The following CWC27 variants were observed in gnomAD, a reference collection of about 807,000 sequenced individuals.
The protein encoded by CWC27 is spliceosome-associated protein CWC27 homolog.
A neutral mutation model predicts 63.6 loss-of-function variants in CWC27; 47 were observed. The ratio of observed to expected loss-of-function variants is 0.74; its 90% CI spans 0.58 to 0.94. The LOEUF (loss-of-function observed/expected upper bound fraction) is 0.94. Among genes scored for constraint, CWC27 ranks in the 40% least tolerant of loss-of-function variants. The probability of loss-of-function intolerance (pLI) is 0.00; values close to 1 mark genes in which losing one functional copy is unlikely to be tolerated. For missense variants in CWC27, 495 were observed against 554.3 expected, an observed-to-expected ratio of 0.89 and a Z score of 1.07; for synonymous variants, 175 against 179.8, an observed-to-expected ratio of 0.97 and a Z score of 0.22.
At chr5:64,933,073 C>T (rs1160542947) in intron 11 of CWC27, among the ~76,000 whole-genome samples, 2 of 152,102 alleles carry the variant, frequency 1.3e-5, no homozygotes, top group African/African-American at 4.8e-5. Context: ...TCCTCTATTA[C>T]TGCCTGTATT....
intron 7 of CWC27, among the ~76,000 whole-genome samples, chr5:64,791,096 G>A (rs912556603): frequency 3.3e-5 from 5 of 152,166 alleles, no homozygotes; most frequent in Admixed American, 1.3e-4. Flanking sequence ...CAGTTGGCCC[G>A]TTGTCCTTCC....
chr5:64,862,949 G>A (rs982508259), intron 10 of CWC27, among the ~76,000 whole-genome samples: 1 of 152,076 alleles, frequency 6.6e-6, no homozygotes, highest in Non-Finnish European at 1.5e-5. Context: ...TTTTATAAGA[G>A]CATTAAACCC....
chr5:64,957,571 A>T (rs1748827215), intron 11 of CWC27, among the ~76,000 whole-genome samples: 2 of 152,328 alleles, frequency 1.3e-5, no homozygotes, highest in Non-Finnish European at 1.5e-5. Flanking sequence ...AGAAAAGCAC[A>T]TATGCCCCTC....
At chr5:64,949,130 T>A (rs1308785337) in intron 11 of CWC27, among the ~76,000 whole-genome samples, 1 of 151,936 alleles carries the variant, frequency 6.6e-6, no homozygotes, top group Non-Finnish European at 1.5e-5. Context: ...TATGATTTTT[T>A]TTTTAGGAAC....
At chr5:64,916,088 A>G (rs929958754) in intron 11 of CWC27, among the ~76,000 whole-genome samples, 1 of 152,200 alleles carries the variant, frequency 6.6e-6, no homozygotes, top group Non-Finnish European at 1.5e-5. Context: ...TTCCTTTTAT[A>G]CAACATCCAA....
chr5:64,858,869 C>T (rs944366752), intron 10 of CWC27, among the ~76,000 whole-genome samples: 1 of 152,134 alleles, frequency 6.6e-6, no homozygotes, highest in Non-Finnish European at 1.5e-5. Context: ...CTTTATGACC[C>T]ATCATGCCCA....
At position 64,772,624 on chromosome 5, in the gene CWC27, CAAAAAAAAAAAAAAAAA is replaced by C. The variant is rs58675990; in HGVS notation, c.43-2052_43-2036del. ...TCTGGGAGACAGTGAGACTCTGTCTCAAAAAAAAAAAAAAAAAAAAAAAAAAAAAAAGTCCAGGCGCA... is the reference window on the plus strand; with the variant it reads ...TCTGGGAGACAGTGAGACTCTGTCTCAAAAAAAAAAAAAAGTCCAGGCGCA... On this transcript the variant is annotated intron_variant, in intron 1 of 13. Coordinates refer to ENST00000381070, the MANE Select transcript of CWC27 (RefSeq NM_005869.4). Among the ~76,000 whole-genome samples the C allele has an allele frequency of 5.9e-4, 31 of 52,176 alleles. 1 individual carries two copies. Among genetic ancestry groups the C allele is most frequent in the African/African-American group, 1.5e-3 (22 of 14,306 alleles). The allele number at this position is 52,176 out of a possible 152,430, so 34.2% of individuals were successfully genotyped here.
intron 11 of CWC27, among the ~76,000 whole-genome samples, chr5:64,914,475 T>A (rs1747849215): frequency 6.6e-6 from 1 of 152,072 alleles, no homozygotes; most frequent in Non-Finnish European, 1.5e-5. Flanking sequence ...GGCAAGAGAC[T>A]TCACGAGGCG....
intron 10 of CWC27, among the ~76,000 whole-genome samples, chr5:64,876,116 A>G (rs1746787324): frequency 6.6e-6 from 1 of 152,150 alleles, no homozygotes; most frequent in African/African-American, 2.4e-5. Flanking sequence ...AGATATTTGC[A>G]TGATATAAGT....
chr5:64,922,015 C>T (rs1353939664), intron 11 of CWC27, among the ~76,000 whole-genome samples: 1 of 152,180 alleles, frequency 6.6e-6, no homozygotes, highest in Non-Finnish European at 1.5e-5. Flanking sequence ...AAGGTTTCTG[C>T]TGAAAGGTGT....
chr5:64,794,779 A>G (rs1023218873), intron 7 of CWC27, among the ~76,000 whole-genome samples: 5 of 152,120 alleles, frequency 3.3e-5, no homozygotes, highest in Admixed American at 3.3e-4. Context: ...TTTTATTTGA[A>G]TGTCTGTATT....
At chr5:64,935,856 T>A (rs1048999541) in intron 11 of CWC27, among the ~76,000 whole-genome samples, 1 of 152,158 alleles carries the variant, frequency 6.6e-6, no homozygotes, top group Non-Finnish European at 1.5e-5. Context: ...ATTCTCTTTG[T>A]AGCAATTGTG....
intron 11 of CWC27, among the ~76,000 whole-genome samples, chr5:64,913,028 C>T (rs1747823029): frequency 6.6e-6 from 1 of 152,018 alleles, no homozygotes; most frequent in Admixed American, 6.6e-5. Context: ...TTAAATGAGG[C>T]AATATTTTAA....
At chr5:64,906,384 T>A (rs1382051611) in intron 11 of CWC27, among the ~76,000 whole-genome samples, 1 of 152,228 alleles carries the variant, frequency 6.6e-6, no homozygotes, top group Non-Finnish European at 1.5e-5. Flanking sequence ...AGATGGTATC[T>A]CTTGGCAGTT....
chr5:64,968,839 G>A (rs765272916), intron 11 of CWC27, among the ~76,000 whole-genome samples: 1 of 152,100 alleles, frequency 6.6e-6, no homozygotes, highest in Non-Finnish European at 1.5e-5. Flanking sequence ...TATATGTAAT[G>A]CCTACCTCAA....
At chr5:64,856,532 G>A (rs1284375043) in intron 10 of CWC27, among the ~76,000 whole-genome samples, 1 of 151,720 alleles carries the variant, frequency 6.6e-6, no homozygotes, top group African/African-American at 2.4e-5. Context: ...TAATAGTTTA[G>A]CCTTTCAACA....
At chr5:64,868,238 A>G (rs1746577382) in intron 10 of CWC27, among the ~76,000 whole-genome samples, 1 of 152,084 alleles carries the variant, frequency 6.6e-6, no homozygotes, top group East Asian at 1.9e-4. Context: ...ATGAAAGAAC[A>G]TTTAGCTTAT....
intron 4 of CWC27, 118 bp downstream of exon 4, chr5:64,784,097 A>AT: frequency 4.5e-6 from 4 of 884,776 alleles, no homozygotes; most frequent in Non-Finnish European, 6.5e-6. Context: ...AACATTCCAT[A>AT]GGATATGTTT....
chr5:64,807,957 A>G, intron 10 of CWC27: 1 of 1,422,042 alleles, frequency 7.0e-7, no homozygotes, highest in Non-Finnish European at 9.1e-7. Context: ...CTCCACTGAA[A>G]CTACTTCCAC....
Sources: allele counts gnomAD v4.1 joint callset (sites outside exome capture counted in the v4.1 genomes callset), GRCh38; gene constraint gnomAD v4.1.1; transcripts MANE v1.5; gene names NCBI Gene and HGNC (gene_info 2026-07-23, HGNC 2026-07-21).